Variants in BCL2L11 observed in about 807,000 individuals in gnomAD.
BCL2L11 encodes the protein bcl-2-like protein 11.
In BCL2L11, 15 loss-of-function variants were observed where a neutral mutation model predicts 20.6. The observed-to-expected ratio is 0.73, with a 90% CI of 0.49 to 1.12. The LOEUF is 1.12. Among genes scored for constraint, BCL2L11 ranks in the 50% most tolerant of loss-of-function variants. The probability of loss-of-function intolerance (pLI) is 0.00; values close to 1 mark genes in which losing one functional copy is unlikely to be tolerated. For synonymous variants in BCL2L11, 108 were observed against 92.8 expected (o/e 1.16, Z -0.94); for missense variants, 292 against 260.9 (o/e 1.12, Z -0.82).
intron 2 of BCL2L11, among the ~76,000 whole-genome samples, chr2:111,136,805 G>A (rs767165372): frequency 6.6e-6 from 1 of 152,166 alleles, no homozygotes; most frequent in Non-Finnish European, 1.5e-5. Context: ...GGCATGTAAC[G>A]TTTATACCAT....
intron 2 of BCL2L11, among the ~76,000 whole-genome samples, chr2:111,138,739 T>C (rs1295280286): frequency 6.6e-6 from 1 of 152,220 alleles, no homozygotes; most frequent in Non-Finnish European, 1.5e-5. Context: ...CCCCACAGGC[T>C]GCTCTTGGGT....
intron 3 of BCL2L11, among the ~76,000 whole-genome samples, chr2:111,161,901 A>G (rs1012506017): frequency 6.6e-5 from 10 of 152,086 alleles, no homozygotes. Context: ...TCGCAGGGAG[A>G]TTTCACTGGA....
intron 2 of BCL2L11, among the ~76,000 whole-genome samples, chr2:111,143,040 C>T (rs1050932019): frequency 6.6e-6 from 1 of 152,112 alleles, no homozygotes; most frequent in Non-Finnish European, 1.5e-5. Context: ...GGATTTGTGT[C>T]TTTGCACTAA....
chr2:111,126,745 C>T (rs13421803), intron 2 of BCL2L11, among the ~76,000 whole-genome samples: 165 of 152,294 alleles, frequency 1.1e-3, no homozygotes, highest in African/African-American at 3.8e-3. Context: ...TTCAATGAAG[C>T]TTTTGATAAT....
intron 2 of BCL2L11, among the ~76,000 whole-genome samples, chr2:111,140,197 A>G (rs1425950687): frequency 2.0e-5 from 3 of 152,328 alleles, no homozygotes; most frequent in East Asian, 3.9e-4. Flanking sequence ...TGCACAGTAC[A>G]TAATGCTTGG....
chr2:111,145,496 T>C (rs1453548925), intron 2 of BCL2L11, among the ~76,000 whole-genome samples: 2 of 152,048 alleles, frequency 1.3e-5, no homozygotes, highest in Non-Finnish European at 2.9e-5. Flanking sequence ...ACAATCTCTC[T>C]TTTTTTAAAA....
chr2:111,135,753 G>A (rs1218593766), intron 2 of BCL2L11, among the ~76,000 whole-genome samples: 1 of 152,146 alleles, frequency 6.6e-6, no homozygotes, highest in African/African-American at 2.4e-5. Flanking sequence ...CTGGTTCAGT[G>A]GGTGTGTGTA....
intron 2 of BCL2L11, among the ~76,000 whole-genome samples, chr2:111,128,427 G>T (rs2073141782): frequency 6.6e-6 from 1 of 151,502 alleles, no homozygotes; most frequent in African/African-American, 2.4e-5. Flanking sequence ...TCTTTTGGGG[G>T]ATTCTGCTTT....
rs1009024229 is a variant in BCL2L11, at chr2:111,168,086, G to A, written c.*3855G>A. ...CTCTAAACAGCATTGTGTGTAAGAA[G>A]CATCCTCAAGCTCCCAGTTAAGTAA... On this transcript the variant is annotated 3_prime_UTR_variant, in exon 4 of 4. Transcript: ENST00000393256. 3.6e-4 allele frequency: 55 copies of A among 152,658 alleles called. No individual in the cohort carries two copies. The highest frequency in any genetic ancestry group is 1.3e-3 in the African/African-American group (52 of 41,450). The allele number at this position is 152,658 out of a possible 1,614,324, so 9.5% of individuals were successfully genotyped here. A position where few individuals can be genotyped will look rare whatever the true frequency, so the allele number is the denominator to read the frequency against.
chr2:111,139,878 C>T (rs1192787040), intron 2 of BCL2L11, among the ~76,000 whole-genome samples: 2 of 152,202 alleles, frequency 1.3e-5, no homozygotes, highest in Admixed American at 6.5e-5. Context: ...ACAGGTGTGG[C>T]AAGAAATAGC....
chr2:111,154,458 G>A (rs192136887), intron 3 of BCL2L11, among the ~76,000 whole-genome samples: 80 of 152,178 alleles, frequency 5.3e-4, no homozygotes, highest in African/African-American at 1.8e-3. Flanking sequence ...ATTTGGAACC[G>A]TTCCTCTGTC....
chr2:111,128,529 C>T, intron 2 of BCL2L11: 1 of 1,405,216 alleles, frequency 7.1e-7, no homozygotes, highest in Non-Finnish European at 9.2e-7. Flanking sequence ...TGCTGTTCTC[C>T]ATAGAGGCTG....
intron 1 of BCL2L11, among the ~76,000 whole-genome samples, chr2:111,121,980 G>A (rs1047576648): frequency 4.6e-5 from 7 of 152,204 alleles, no homozygotes; most frequent in Admixed American, 2.0e-4. Context: ...CAGGCTGGCG[G>A]CGCCGTGCCC....
chr2:111,160,407 C>T (rs2078411724), intron 3 of BCL2L11, among the ~76,000 whole-genome samples: 1 of 151,746 alleles, frequency 6.6e-6, no homozygotes, highest in South Asian at 2.1e-4. Context: ...TGAAGTCAGG[C>T]CCCCCACCTG....
intron 2 of BCL2L11, chr2:111,144,655 C>T (rs1460179093): frequency 1.7e-6 from 2 of 1,174,564 alleles, no homozygotes. Flanking sequence ...AATAAACATC[C>T]TGGAATTTTT....
chr2:111,122,539 G>GACCGCGCGCGGACCA (rs1299266351), intron 1 of BCL2L11: 3 of 909,096 alleles, frequency 3.3e-6, no homozygotes, highest in African/African-American at 3.6e-5. Context: ...GGCGCGGAGC[G>GACCGCGCGCGGACCA]ACCGCGCGCG....
At position 111,121,198 on chromosome 2, in the gene BCL2L11, T is replaced by C; in HGVS notation, c.-14+10T>C. 4.5e-6 allele frequency: 1 copy of C among 224,402 alleles called. No individual in the cohort carries two copies. Among genetic ancestry groups the C allele is most frequent in the Non-Finnish European group, 8.8e-6 (1 of 113,136 alleles). 13.9% of individuals were successfully genotyped at this position (224,402 alleles called of 1,614,324 possible). ...GACTGAGAAACGCAAGGTAAATACC[T>C]CCAAATCCCGGGGCGCGGGCCTGGC... On this transcript the variant is annotated intron_variant, in intron 1 of 3. Coordinates refer to ENST00000393256, the MANE Select transcript of BCL2L11 (RefSeq NM_138621.5).
At chr2:111,122,142 G>A (rs929959728) in intron 1 of BCL2L11, among the ~76,000 whole-genome samples, 1 of 152,230 alleles carries the variant, frequency 6.6e-6, no homozygotes. Flanking sequence ...GGCGCACCAG[G>A]AGAGAGAGGA....
At chr2:111,123,085 C>A in intron 1 of BCL2L11, 1 of 968,498 alleles carries the variant, frequency 1.0e-6, no homozygotes, top group Non-Finnish European at 1.2e-6. Flanking sequence ...GTGCACCTCA[C>A]GGTGTGCACC....
Sources: allele counts gnomAD v4.1 joint callset (sites outside exome capture counted in the v4.1 genomes callset), GRCh38; gene constraint gnomAD v4.1.1; transcripts MANE v1.5; gene names NCBI Gene and HGNC (gene_info 2026-07-23, HGNC 2026-07-21).